Variants in CA8 observed in about 807,000 individuals in gnomAD.
The protein encoded by CA8 is carbonic anhydrase 8 (inactive).
In CA8, 22 loss-of-function variants were observed where a neutral mutation model predicts 41.4. The ratio of observed to expected loss-of-function variants is 0.53; its 90% CI spans 0.38 to 0.76. The LOEUF (loss-of-function observed/expected upper bound fraction) is 0.76, where lower values mean the gene tolerates loss of function less well. Among genes scored for constraint, CA8 ranks in the 30% least tolerant of loss-of-function variants. CA8 has a pLI of 0.00. For synonymous variants in CA8, 121 were observed against 130.6 expected (o/e 0.93, Z 0.50); for missense variants, 270 against 352.8 (o/e 0.77, Z 1.88).
intron 7 of CA8, among the ~76,000 whole-genome samples, chr8:60,220,249 G>A (rs891403585): frequency 1.7e-4 from 26 of 152,192 alleles, no homozygotes; most frequent in African/African-American, 6.0e-4. Context: ...TTACCTGGAG[G>A]AACCAGAAAC....
intron 3 of CA8, among the ~76,000 whole-genome samples, chr8:60,236,636 G>A (rs1585887671): frequency 6.6e-6 from 1 of 152,144 alleles, no homozygotes; most frequent in African/African-American, 2.4e-5. Flanking sequence ...GGGGAGGGGG[G>A]ATGAAGTGAC....
Position 60,186,790 on chromosome 8 carries a change from T to TA in CA8, c.*3230dup, listed in dbSNP as rs58529365. The stretch of plus-strand genomic sequence containing the variant: ...ATATCTGACAAAGTATATATTAAAA[T>TA]AAAAAAATGTTACTAGAGATAAAGA... On this transcript the variant is annotated 3_prime_UTR_variant, in exon 9 of 9. Transcript: ENST00000317995. Among the ~76,000 whole-genome samples, 2 of 151,540 alleles carry TA rather than the reference T, an allele frequency of 1.3e-5. No homozygotes were observed. The highest frequency in any genetic ancestry group is 2.4e-5 in the African/African-American group (1 of 41,316).
intron 6 of CA8, 57 bp downstream of exon 6, chr8:60,224,480 A>G: frequency 3.0e-6 from 3 of 997,042 alleles, no homozygotes; most frequent in Non-Finnish European, 4.8e-6. Flanking sequence ...TCTGAAGAAA[A>G]CAATGTGACT....
At chr8:60,190,957 T>TATATATATATATACAC (rs1554573722) in intron 8 of CA8, among the ~76,000 whole-genome samples, 4 of 104,244 alleles carry the variant, frequency 3.8e-5, no homozygotes, top group South Asian at 3.1e-4. Context: ...TATATATATA[T>TATATATATATATACAC]ACACACACAC....
At chr8:60,268,754 C>T (rs1308610659) in intron 2 of CA8, among the ~76,000 whole-genome samples, 1 of 152,220 alleles carries the variant, frequency 6.6e-6, no homozygotes, top group African/African-American at 2.4e-5. Context: ...GTAGATCTTA[C>T]ATTCTATTAT....
intron 4 of CA8, among the ~76,000 whole-genome samples, chr8:60,227,863 A>G (rs1807497397): frequency 1.3e-5 from 2 of 152,204 alleles, no homozygotes; most frequent in Non-Finnish European, 1.5e-5. Context: ...GGAGACAAAA[A>G]AATTCTAACA....
At position 60,226,870 on chromosome 8, in the gene CA8, T is replaced by C. The variant is rs767263271; in HGVS notation, c.576+3A>G. ...TTCTATATTATTTTAAATAATGACT[T>C]ACCTTATACTGAATATCTTGGAGGA... On this transcript the variant is annotated splice_donor_region_variant and intron_variant, in intron 5 of 8. Transcript: ENST00000317995. 1 of 1,552,956 alleles carries C rather than the reference T, an allele frequency of 6.4e-7. No individual in the cohort carries two copies. The highest frequency in any genetic ancestry group is 1.1e-5 in the South Asian group (1 of 89,764).
intron 8 of CA8, among the ~76,000 whole-genome samples, chr8:60,193,018 C>A (rs1278838032): frequency 6.6e-6 from 1 of 151,612 alleles, no homozygotes; most frequent in Admixed American, 6.6e-5. Context: ...ATCACCCCAT[C>A]CTCCAAATAT....
At chr8:60,249,602 T>G (rs1217384724) in intron 3 of CA8, among the ~76,000 whole-genome samples, 3 of 152,180 alleles carry the variant, frequency 2.0e-5, no homozygotes, top group Admixed American at 1.3e-4. Context: ...TAACGATAAA[T>G]AAATTGAGCT....
intron 5 of CA8, among the ~76,000 whole-genome samples, chr8:60,225,078 G>GCT (rs1807381949): frequency 2.0e-5 from 3 of 152,082 alleles, no homozygotes; most frequent in African/African-American, 7.2e-5. Context: ...TATGCTAGAT[G>GCT]CTCTCCTCAT....
At chr8:60,269,723 G>A (rs930792015) in intron 2 of CA8, among the ~76,000 whole-genome samples, 2 of 152,100 alleles carry the variant, frequency 1.3e-5, no homozygotes, top group African/African-American at 4.8e-5. Context: ...AGATCAACTC[G>A]ACACCTGGCC....
At chr8:60,195,721 G>C (rs1806262774) in intron 8 of CA8, among the ~76,000 whole-genome samples, 1 of 152,086 alleles carries the variant, frequency 6.6e-6, no homozygotes, top group African/African-American at 2.4e-5. Context: ...GCTGATCACT[G>C]GTTATGTTTA....
chr8:60,193,314 T>G (rs1285665236), intron 8 of CA8, among the ~76,000 whole-genome samples: 1 of 152,164 alleles, frequency 6.6e-6, no homozygotes, highest in Non-Finnish European at 1.5e-5. Flanking sequence ...ATCTAGAACC[T>G]TCTCACCTGC....
intron 3 of CA8, among the ~76,000 whole-genome samples, chr8:60,255,868 G>A (rs1322921021): frequency 6.6e-6 from 1 of 151,528 alleles, no homozygotes. Flanking sequence ...ACCATTACAT[G>A]AGAAACTCAG....
At chr8:60,226,047 T>G (rs1461033108) in intron 5 of CA8, among the ~76,000 whole-genome samples, 1 of 152,248 alleles carries the variant, frequency 6.6e-6, no homozygotes, top group Non-Finnish European at 1.5e-5. Context: ...GTGGATCACC[T>G]TCTCTTGGAT....
chr8:60,243,785 CCTT>C (rs916210749), intron 3 of CA8, among the ~76,000 whole-genome samples: 3 of 152,186 alleles, frequency 2.0e-5, no homozygotes, highest in African/African-American at 7.2e-5. Context: ...CTCCTGGTCT[CCTT>C]CTTCTTCAAC....
chr8:60,208,332 G>A (rs140547872), intron 8 of CA8: 27 of 174,418 alleles, frequency 1.5e-4, no homozygotes, highest in Admixed American at 6.1e-4. Context: ...TGCAGGAGAC[G>A]AGAAGGGTCC....
intron 3 of CA8, among the ~76,000 whole-genome samples, chr8:60,240,541 A>C (rs1473734505): frequency 6.6e-6 from 1 of 152,268 alleles, no homozygotes; most frequent in African/African-American, 2.4e-5. Flanking sequence ...GATGAATAAT[A>C]AATATTCAAT....
chr8:60,245,300 G>A (rs567203758), intron 3 of CA8, among the ~76,000 whole-genome samples: 8 of 152,178 alleles, frequency 5.3e-5, no homozygotes, highest in Admixed American at 1.3e-4. Context: ...ATCTTAAGTG[G>A]AGGAATTTTT....
Sources: allele counts gnomAD v4.1 joint callset (sites outside exome capture counted in the v4.1 genomes callset), GRCh38; gene constraint gnomAD v4.1.1; transcripts MANE v1.5; gene names NCBI Gene and HGNC (gene_info 2026-07-23, HGNC 2026-07-21).